ABCB11: variants seen among roughly 807,000 people sequenced by gnomAD.
ABCB11 encodes bile salt export pump.
Under a neutral mutation model 148.0 loss-of-function variants are expected in ABCB11, and 95 were observed. The observed-to-expected ratio is 0.64, with a 90% CI of 0.54 to 0.76. The LOEUF is 0.76. Ranked by LOEUF, ABCB11 falls within the 30% of genes least tolerant of loss-of-function variation. The pLI is 0.00. For missense variants in ABCB11, 1,523 were observed against 1,617.8 expected (o/e 0.94, Z 1.01); for synonymous variants, 591 against 555.4 (o/e 1.06, Z -0.90).
intron 26 of ABCB11, among the ~76,000 whole-genome samples, chr2:168,925,975 G>T (rs1691290309): frequency 6.6e-6 from 1 of 152,076 alleles, no homozygotes; most frequent in Non-Finnish European, 1.5e-5. Flanking sequence ...TTATAGATTG[G>T]GCTAACAGGT....
intron 5 of ABCB11, among the ~76,000 whole-genome samples, chr2:169,006,732 C>A (rs184075939): frequency 6.6e-6 from 1 of 151,586 alleles, no homozygotes; most frequent in African/African-American, 2.4e-5. Flanking sequence ...GATCAATATA[C>A]AAAAAAAGTT....
chr2:168,945,364 T>A (rs1217477046), intron 19 of ABCB11, among the ~76,000 whole-genome samples: 1 of 151,942 alleles, frequency 6.6e-6, no homozygotes, highest in Non-Finnish European at 1.5e-5. Context: ...ATGATGACGA[T>A]GTACTACAGT....
chr2:168,956,091 G>A (rs955035269), intron 19 of ABCB11, among the ~76,000 whole-genome samples: 94 of 151,766 alleles, frequency 6.2e-4, no homozygotes, highest in African/African-American at 2.2e-3. Context: ...TTACAATCAT[G>A]GCAGAAGGTG....
In ABCB11 at chr2:168,986,234, A is replaced by T. The variant is rs1694318872; in HGVS notation, c.959T>A (p.Ile320Lys). 6.2e-7 allele frequency: 1 copy of T among 1,613,268 alleles called. No homozygotes were observed. The highest frequency in any genetic ancestry group is 8.5e-7 in the Non-Finnish European group (1 of 1,179,620). The change falls in exon 10 of 28, where the codon ATA (isoleucine) becomes AAA (lysine). Residue 320 changes from isoleucine to lysine, a missense_variant. Physicochemically the swap from Ile to Lys is moderately radical, Grantham distance 102 (BLOSUM62 -3). Transcript: ENST00000650372. ...GAATCCAGTAAAGAATCCCATCACT[A>T]TTCCTTTTCTAATTCCCCAACGCTG... ...FAQRWGIRKG[I>K]VMGFFTGFVW...
chr2:168,965,798 A>G (rs1413829885), intron 17 of ABCB11, among the ~76,000 whole-genome samples: 1 of 151,834 alleles, frequency 6.6e-6, no homozygotes, highest in East Asian at 1.9e-4. Context: ...TCACCAAAAC[A>G]AATATCAAGG....
chr2:168,995,556 T>A, intron 6 of ABCB11, 74 bp from the exon 7 acceptor site: 1 of 1,473,986 alleles, frequency 6.8e-7, no homozygotes, highest in Non-Finnish European at 9.2e-7. Context: ...CAGAAGAAAG[T>A]ACTTTCAATA....
chr2:168,976,726 A>C, intron 11 of ABCB11, 39 bp from the exon 12 acceptor site: 1 of 1,198,782 alleles, frequency 8.3e-7, no homozygotes, highest in Non-Finnish European at 1.2e-6. Flanking sequence ...GTAAACTCAA[A>C]CTAAGATGCA....
Position 168,921,461 on chromosome 2 carries a change from G to T in ABCB11, c.*2161C>A, listed in dbSNP as rs530003315. ...CCGTGGGTGCAGTCCTGCTCCCAAGGTTTTCATTTCTGTGACAAGAGCTCT... is the reference window on the plus strand; with the variant it reads ...CCGTGGGTGCAGTCCTGCTCCCAAGTTTTTCATTTCTGTGACAAGAGCTCT... On this transcript the variant is annotated 3_prime_UTR_variant, in exon 28 of 28. Coordinates refer to ENST00000650372, the MANE Select transcript of ABCB11 (RefSeq NM_003742.4). 6.6e-6 allele frequency among the ~76,000 whole-genome samples: 1 copy of T among 152,168 alleles called. No individual in the cohort carries two copies. The highest frequency in any genetic ancestry group is 2.1e-4 in the South Asian group (1 of 4,820).
chr2:168,945,109 A>G, intron 19 of ABCB11, 148 bp from the exon 20 acceptor site: 1 of 593,336 alleles, frequency 1.7e-6, no homozygotes, highest in South Asian at 2.4e-5. Flanking sequence ...ACCCTAATGT[A>G]AGCTGTGGAT....
intron 10 of ABCB11, 69 bp downstream of exon 10, chr2:168,986,041 A>G (rs1694306905): frequency 7.9e-7 from 1 of 1,262,388 alleles, no homozygotes; most frequent in Admixed American, 3.3e-5. Flanking sequence ...TAAACAAAAT[A>G]TCTAATCCAT....
chr2:168,988,689 A>T (rs1293042112), intron 9 of ABCB11, among the ~76,000 whole-genome samples: 2 of 152,096 alleles, frequency 1.3e-5, no homozygotes, highest in Non-Finnish European at 2.9e-5. Flanking sequence ...ATGAATCTCC[A>T]TACTCTTTGG....
Position 168,996,850 on chromosome 2 carries a change from T to C in ABCB11, c.390-128A>G, listed in dbSNP as rs549319826. 8.1e-4 allele frequency: 194 copies of C among 238,438 alleles called. 1 individual carries two copies. The highest frequency in any genetic ancestry group is 3.8e-3 in the African/African-American group (165 of 43,064). 14.8% of individuals were successfully genotyped at this position (238,438 alleles called of 1,614,324 possible). On this transcript the variant is annotated intron_variant, in intron 5 of 27. Coordinates refer to ENST00000650372, the MANE Select transcript of ABCB11 (RefSeq NM_003742.4). Reference sequence around the variant, plus strand: ...ATATATATATAATATATAATAAATATACTATATATAGTATATTTCTATTAG... The same window carrying C: ...ATATATATATAATATATAATAAATACACTATATATAGTATATTTCTATTAG...
intron 25 of ABCB11, among the ~76,000 whole-genome samples, chr2:168,928,405 C>G (rs1294816408): frequency 6.6e-6 from 1 of 151,796 alleles, no homozygotes; most frequent in African/African-American, 2.4e-5. Context: ...CATAGGTATC[C>G]AAATAAATGT....
intron 25 of ABCB11, among the ~76,000 whole-genome samples, chr2:168,928,444 G>C (rs1466460155): frequency 1.3e-5 from 2 of 152,018 alleles, no homozygotes; most frequent in Non-Finnish European, 2.9e-5. Flanking sequence ...ACATTTGGTA[G>C]ATTAAGAGCA....
At chr2:168,964,385 A>G in intron 17 of ABCB11, 77 bp from the exon 18 acceptor site, 2 of 1,115,940 alleles carry the variant, frequency 1.8e-6, no homozygotes, top group East Asian at 5.2e-5. Context: ...CCAAGTTTAC[A>G]TTTCATATGT....
chr2:168,980,009 T>C (rs775493833), intron 10 of ABCB11, 30 bp from the exon 11 acceptor site: 2 of 1,391,446 alleles, frequency 1.4e-6, no homozygotes, highest in East Asian at 2.3e-5. Context: ...ATTTTTCATG[T>C]GTTTTTGTTA....
At chr2:169,003,319 G>GGTGTGTGTGTGTGTGTGTGTGT (rs751149363) in intron 5 of ABCB11, among the ~76,000 whole-genome samples, 1 of 140,076 alleles carries the variant, frequency 7.1e-6, no homozygotes, top group African/African-American at 2.7e-5. Flanking sequence ...AGTATTCCAT[G>GGTGTGTGTGTGTGTGTGTGTGT]GTGCGTGTGT....
chr2:168,935,146 G>A, intron 23 of ABCB11, 38 bp downstream of exon 23: 1 of 1,611,378 alleles, frequency 6.2e-7, no homozygotes, highest in Non-Finnish European at 8.5e-7. Context: ...CCTTCCTTGT[G>A]TGTTGATCTT....
chr2:168,944,284 G>C, intron 21 of ABCB11, among the ~76,000 whole-genome samples: 1 of 41,120 alleles, frequency 2.4e-5, no homozygotes, highest in Admixed American at 3.3e-4. Flanking sequence ...CCACCCCCTG[G>C]GGGGCAGTAT....
Sources: allele counts gnomAD v4.1 joint callset (sites outside exome capture counted in the v4.1 genomes callset), GRCh38; gene constraint gnomAD v4.1.1; transcripts MANE v1.5; gene names NCBI Gene and HGNC (gene_info 2026-07-23, HGNC 2026-07-21).